TUBA1C: variants seen among roughly 807,000 people sequenced by gnomAD.
TUBA1C encodes the protein tubulin alpha 1c.
A neutral mutation model predicts 34.9 loss-of-function variants in TUBA1C; 16 were observed. That is an observed-to-expected ratio of 0.46 (90% CI 0.31 to 0.70). The LOEUF is 0.70. TUBA1C is among the 30% of genes least tolerant of loss of function. The pLI is 0.05. For synonymous variants in TUBA1C, 177 were observed against 215.9 expected (o/e 0.82, Z 1.58); for missense variants, 329 against 587.3 (o/e 0.56, Z 4.55).
chr12:49,245,884 C>T (rs564914563), intron 1 of TUBA1C, among the ~76,000 whole-genome samples: 46 of 152,180 alleles, frequency 3.0e-4, no homozygotes, highest in African/African-American at 1.1e-3. Flanking sequence ...TAACAGAGGG[C>T]CTAAGATTGC....
intron 1 of TUBA1C, among the ~76,000 whole-genome samples, chr12:49,259,912 C>T (rs1487877564): frequency 6.6e-6 from 1 of 152,092 alleles, no homozygotes; most frequent in East Asian, 1.9e-4. Flanking sequence ...AAAGATTATC[C>T]TGAGATTCAC....
upstream of TUBA1C, chr12:49,265,051 T>G: frequency 7.7e-7 from 1 of 1,295,232 alleles, no homozygotes; most frequent in Non-Finnish European, 1.0e-6. Flanking sequence ...GGACCGGGTA[T>G]ATAAGGCCCT....
Position 49,265,118 on chromosome 12 carries a change from T to C in TUBA1C, c.-64T>C, listed in dbSNP as rs775248955. 1.3e-6 allele frequency: 2 copies of C among 1,582,372 alleles called. No individual in the cohort carries two copies. The highest frequency in any genetic ancestry group is 1.7e-6 in the Non-Finnish European group (2 of 1,159,870). On this transcript the variant is annotated 5_prime_UTR_variant, in exon 1 of 4. Transcript: ENST00000301072. ...CCCGGACTCCTTGGTAGTCTGTTAG[T>C]GGGAGATCCTTGTTGCCGTCCCTTC...
At chr12:49,250,041 T>C (rs887771985) in intron 1 of TUBA1C, among the ~76,000 whole-genome samples, 17 of 149,974 alleles carry the variant, frequency 1.1e-4, no homozygotes, top group Admixed American at 1.1e-3. Context: ...CTACTAAAAA[T>C]ACAAAAATTA....
chr12:49,265,519 C>G (rs1476561381), intron 1 of TUBA1C, among the ~76,000 whole-genome samples: 2 of 152,196 alleles, frequency 1.3e-5, no homozygotes, highest in African/African-American at 2.4e-5. Context: ...ACTAAAAATC[C>G]CTCCCCACGT....
At chr12:49,264,891 C>T (rs899299828), upstream of TUBA1C, 39 of 164,944 alleles carry the variant, frequency 2.4e-4, 1 homozygote, top group Middle Eastern at 2.5e-3. Context: ...CTGGCTCCTT[C>T]CGACGAGTTT....
Position 49,272,835 on chromosome 12 carries a change from C to T in TUBA1C, c.958C>T (p.Arg320Cys), listed in dbSNP as rs1444750706. 3 of 1,613,994 alleles carry T rather than the reference C, an allele frequency of 1.9e-6. No individual in the cohort carries two copies. The highest frequency in any genetic ancestry group is 1.3e-5 in the African/African-American group (1 of 74,914). ...ATACATGGCTTGCTGCCTGTTATACCGTGGTGACGTGGTTCCCAAAGATGT... is the reference window on the plus strand; with the variant it reads ...ATACATGGCTTGCTGCCTGTTATACTGTGGTGACGTGGTTCCCAAAGATGT... ...GKYMACCLLY[R>C]GDVVPKDVNA... The change falls in exon 4 of 4, where the codon CGT (arginine) becomes TGT (cysteine). Residue 320 changes from arginine (R) to cysteine (C), a missense_variant. This residue lies in a region of TUBA1C where 140 missense variants were observed against 289.8 expected (regional missense o/e 0.48). Coordinates refer to ENST00000301072, the MANE Select transcript of TUBA1C (RefSeq NM_032704.5).
chr12:49,267,924 CCAAA>C lies in TUBA1C; in HGVS notation c.4-1538_4-1535del, dbSNP rs1942936825. Reference sequence around the variant, plus strand: ...GGCTAATCTGACTTATGATGAAATGCCAAACACCCTTTTTGTTTTCCTGTTAAGT... The same window carrying C: ...GGCTAATCTGACTTATGATGAAATGCCACCCTTTTTGTTTTCCTGTTAAGT... On this transcript the variant is annotated intron_variant, in intron 1 of 3. Transcript: ENST00000301072. Among the ~76,000 whole-genome samples the C allele has an allele frequency of 2.0e-5, 3 of 152,160 alleles. No homozygotes were observed. In the South Asian group the frequency reaches 6.2e-4, roughly 31 times the overall value.
rs903883888 is a variant in TUBA1C, at chr12:49,269,367, A to G, written c.4-98A>G. On this transcript the variant is annotated intron_variant, in intron 1 of 3. Coordinates refer to ENST00000301072, the MANE Select transcript of TUBA1C (RefSeq NM_032704.5). ...TGTGAGTCACTGCGCCCAGCCAGTT[A>G]TCTGTCTTGAAGGTTAATCAGTCAT... is the stretch of plus-strand genomic sequence containing the variant. The G allele has an allele frequency of 1.3e-5, 20 of 1,562,618 alleles. No homozygotes were observed. In the African/African-American group the frequency reaches 2.4e-4, roughly 19 times the overall value.
intron 1 of TUBA1C, among the ~76,000 whole-genome samples, chr12:49,245,896 A>C (rs1161517848): frequency 6.6e-6 from 1 of 152,060 alleles, no homozygotes; most frequent in East Asian, 1.9e-4. Context: ...TAAGATTGCC[A>C]CATACTTCTT....
chr12:49,251,487 G>T (rs553269067), intron 1 of TUBA1C, among the ~76,000 whole-genome samples: 3 of 151,886 alleles, frequency 2.0e-5, no homozygotes, highest in African/African-American at 7.3e-5. Flanking sequence ...ATATAAGAGA[G>T]ATTATAGGCT....
At chr12:49,244,595 T>G (rs1294641151) in intron 1 of TUBA1C, among the ~76,000 whole-genome samples, 1 of 151,968 alleles carries the variant, frequency 6.6e-6, no homozygotes, top group Non-Finnish European at 1.5e-5. Flanking sequence ...TGGAGTTTCA[T>G]TCTTGTTGCC....
chr12:49,255,089 G>A (rs1365818718), intron 1 of TUBA1C, among the ~76,000 whole-genome samples: 1 of 151,800 alleles, frequency 6.6e-6, no homozygotes, highest in Admixed American at 6.6e-5. Flanking sequence ...CTGACCTCAG[G>A]CTGTTTTAGA....
At chr12:49,256,997 T>C (rs1942790669) in intron 1 of TUBA1C, among the ~76,000 whole-genome samples, 1 of 151,764 alleles carries the variant, frequency 6.6e-6, no homozygotes, top group Admixed American at 6.6e-5. Flanking sequence ...CTGGCCAACA[T>C]GATGAAACCC....
At chr12:49,248,269 G>A (rs866063512) in intron 1 of TUBA1C, among the ~76,000 whole-genome samples, 4 of 150,722 alleles carry the variant, frequency 2.7e-5, no homozygotes, top group African/African-American at 9.8e-5. Flanking sequence ...GCAAGACTCC[G>A]TCTCAAAAGT....
chr12:49,249,257 G>A (rs140199196), intron 1 of TUBA1C, among the ~76,000 whole-genome samples: 2 of 151,608 alleles, frequency 1.3e-5, no homozygotes, highest in African/African-American at 4.9e-5. Flanking sequence ...GACAAACCCC[G>A]TCTCCACTAA....
intron 1 of TUBA1C, among the ~76,000 whole-genome samples, chr12:49,254,361 T>G (rs1158229759): frequency 6.6e-6 from 1 of 151,272 alleles, no homozygotes; most frequent in Non-Finnish European, 1.5e-5. Context: ...ACGCCTGTAA[T>G]CCCAGCTACT....
chr12:49,272,268 G>T lies in TUBA1C; in HGVS notation c.391G>T (p.Gly131Cys). ...TATTTTGCAGGCTGACCAGTGCACC[G>T]GTCTTCAGGGCTTCTTGGTTTTCCA... is the stretch of plus-strand genomic sequence containing the variant. ...RIRKLADQCTGLQGFLVFHSF... is the reference protein window; with the variant it reads ...RIRKLADQCTCLQGFLVFHSF... The change falls in exon 4 of 4, where the codon GGT (glycine) becomes TGT (cysteine). Residue 131 changes from glycine to cysteine, a missense_variant. By Grantham distance (159) the Gly-to-Cys change is radical (BLOSUM62 -3). Around this residue, in one of 4 missense-constraint regions of TUBA1C, gnomAD observed 152 missense variants for 240.3 expected, o/e 0.63. Coordinates refer to ENST00000301072, the MANE Select transcript of TUBA1C (RefSeq NM_032704.5). 2.5e-6 allele frequency: 4 copies of T among 1,611,238 alleles called. No individual in the cohort carries two copies. The highest frequency in any genetic ancestry group is 3.4e-6 in the Non-Finnish European group (4 of 1,178,608).
intron 1 of TUBA1C, among the ~76,000 whole-genome samples, chr12:49,235,815 G>A (rs188072705): frequency 6.6e-6 from 1 of 152,100 alleles, no homozygotes; most frequent in Admixed American, 6.6e-5. Flanking sequence ...AGTGGCCTGT[G>A]TTGAGGAGCC....
Sources: allele counts gnomAD v4.1 joint callset (sites outside exome capture counted in the v4.1 genomes callset), GRCh38; gene constraint gnomAD v4.1.1; regional missense constraint gnomAD v4.1.1; transcripts MANE v1.5; gene names NCBI Gene and HGNC (gene_info 2026-07-23, HGNC 2026-07-21).